Variants in MTPN observed in about 807,000 individuals in gnomAD.
MTPN encodes the protein myotrophin.
Under a neutral mutation model 13.5 loss-of-function variants are expected in MTPN, and 2 were observed. That is an observed-to-expected ratio of 0.15 (90% CI 0.06 to 0.47). The LOEUF (loss-of-function observed/expected upper bound fraction) is 0.47. Ranked by LOEUF, MTPN falls within the 20% of genes least tolerant of loss-of-function variation. MTPN has a pLI of 0.97. For synonymous variants in MTPN, 46 were observed against 51.7 expected, an observed-to-expected ratio of 0.89 and a Z score of 0.48; for missense variants, 79 against 137.9, an observed-to-expected ratio of 0.57 and a Z score of 2.14.
chr7:135,953,029 C>G (rs1309285236), intron 1 of MTPN, among the ~76,000 whole-genome samples: 1 of 152,124 alleles, frequency 6.6e-6, no homozygotes, highest in Non-Finnish European at 1.5e-5. Flanking sequence ...TCAAGCCATA[C>G]CCTGAATCAA....
intron 1 of MTPN, among the ~76,000 whole-genome samples, chr7:135,972,714 C>T (rs759987539): frequency 4.6e-5 from 7 of 152,110 alleles, no homozygotes; most frequent in Non-Finnish European, 1.0e-4. Context: ...AGAAGCAGCA[C>T]TCTATGTGAA....
At chr7:135,947,583 G>C (rs545065410) in intron 3 of MTPN, among the ~76,000 whole-genome samples, 2 of 152,062 alleles carry the variant, frequency 1.3e-5, no homozygotes, top group Non-Finnish European at 2.9e-5. Flanking sequence ...AATTAAAAAT[G>C]AGGCCACAAG....
intron 1 of MTPN, among the ~76,000 whole-genome samples, chr7:135,955,238 T>C (rs998671550): frequency 6.6e-6 from 1 of 151,860 alleles, no homozygotes; most frequent in Non-Finnish European, 1.5e-5. Context: ...ATTTCCATCA[T>C]AAGAAACTAG....
chr7:135,962,609 T>G (rs1031545616), intron 1 of MTPN, among the ~76,000 whole-genome samples: 5 of 151,996 alleles, frequency 3.3e-5, no homozygotes, highest in African/African-American at 1.2e-4. Flanking sequence ...TCTCCCTTAC[T>G]TTCCTAACTG....
intron 1 of MTPN, among the ~76,000 whole-genome samples, chr7:135,974,549 G>T (rs1799744050): frequency 6.6e-6 from 1 of 152,078 alleles, no homozygotes; most frequent in African/African-American, 2.4e-5. Flanking sequence ...CCAAAAAAAA[G>T]AGGAGGAGGA....
intron 1 of MTPN, among the ~76,000 whole-genome samples, chr7:135,974,057 C>A (rs976572063): frequency 2.0e-5 from 3 of 152,076 alleles, no homozygotes; most frequent in African/African-American, 7.2e-5. Context: ...ATTTTTCTCT[C>A]AATACTGTCT....
chr7:135,971,616 C>T (rs958668417), intron 1 of MTPN, among the ~76,000 whole-genome samples: 3 of 152,130 alleles, frequency 2.0e-5, no homozygotes, highest in African/African-American at 7.2e-5. Context: ...GTTATTTAAT[C>T]TCTGCCTCTA....
chr7:135,975,372 T>C (rs902010032), intron 1 of MTPN, among the ~76,000 whole-genome samples: 1 of 152,200 alleles, frequency 6.6e-6, no homozygotes, highest in Non-Finnish European at 1.5e-5. Context: ...GTTAAAGAGT[T>C]TCAGTTTTGG....
intron 1 of MTPN, among the ~76,000 whole-genome samples, chr7:135,964,529 A>G (rs942986942): frequency 2.0e-5 from 3 of 152,130 alleles, no homozygotes; most frequent in African/African-American, 7.2e-5. Context: ...ATGCAGCTGA[A>G]AAGATTTCGC....
At chr7:135,938,311 T>C (rs1799148712) in intron 3 of MTPN, among the ~76,000 whole-genome samples, 1 of 152,218 alleles carries the variant, frequency 6.6e-6, no homozygotes, top group South Asian at 2.1e-4. Context: ...CCTTGGAATA[T>C]AACCAATTAC....
Position 135,929,791 on chromosome 7 carries a change from T to G in MTPN, c.*135A>C, listed in dbSNP as rs1017948573. ...TTTTTTCTGGTAGTCGGATTTGTTA[T>G]GAATTTCTCTCTCCCCTCACCCCTC... On this transcript the variant is annotated 3_prime_UTR_variant, in exon 4 of 4. Transcript: ENST00000393085. 1.2e-6 allele frequency: 1 copy of G among 856,896 alleles called. No individual in the cohort carries two copies. The highest frequency in any genetic ancestry group is 2.4e-5 in the Admixed American group (1 of 42,364). 53.1% of individuals were successfully genotyped at this position (856,896 alleles called of 1,614,324 possible).
chr7:135,967,671 T>C (rs545739599), intron 1 of MTPN, among the ~76,000 whole-genome samples: 1 of 152,318 alleles, frequency 6.6e-6, no homozygotes, highest in South Asian at 2.1e-4. Context: ...CAACAGCTAA[T>C]ATTTACTAGC....
intron 3 of MTPN, among the ~76,000 whole-genome samples, chr7:135,936,989 C>G (rs562450530): frequency 6.6e-6 from 1 of 152,292 alleles, no homozygotes; most frequent in African/African-American, 2.4e-5. Context: ...AAATAATTTA[C>G]AATCTAGCTG....
rs139897604 is a variant in MTPN at position 135,960,181 on chromosome 7, T to C, written c.73-8551A>G. On this transcript the variant is annotated intron_variant, in intron 1 of 3. Coordinates refer to ENST00000393085, the MANE Select transcript of MTPN (RefSeq NM_145808.4). ...CCATTCATATAATGTGATTAAATTA[T>C]ATCATGTGATTAAAGCTGCAGTACA... 1.2e-3 allele frequency among the ~76,000 whole-genome samples: 188 copies of C among 152,238 alleles called. 1 individual carries two copies. The highest frequency in any genetic ancestry group is 4.4e-3 in the African/African-American group (183 of 41,550).
intron 3 of MTPN, among the ~76,000 whole-genome samples, chr7:135,933,328 C>T (rs1799056849): frequency 6.6e-6 from 1 of 152,098 alleles, no homozygotes; most frequent in South Asian, 2.1e-4. Flanking sequence ...CACCCTTCCC[C>T]AGACCTTCTC....
chr7:135,948,633 C>A (rs573864409), intron 3 of MTPN, among the ~76,000 whole-genome samples: 1 of 152,172 alleles, frequency 6.6e-6, no homozygotes, highest in Non-Finnish European at 1.5e-5. Flanking sequence ...CGGAAACTTA[C>A]AACCACAAGG....
At chr7:135,941,036 A>G (rs531572269) in intron 3 of MTPN, among the ~76,000 whole-genome samples, 1 of 152,354 alleles carries the variant, frequency 6.6e-6, no homozygotes, top group Admixed American at 6.5e-5. Flanking sequence ...AATGGAGACC[A>G]TAAGGCACAG....
chr7:135,934,349 C>A (rs1799080290), intron 3 of MTPN, among the ~76,000 whole-genome samples: 1 of 152,206 alleles, frequency 6.6e-6, no homozygotes, highest in Non-Finnish European at 1.5e-5. Context: ...TGGGTACACT[C>A]CTCACCCATA....
chr7:135,976,722 C>A (rs1799778303), intron 1 of MTPN, among the ~76,000 whole-genome samples: 1 of 152,016 alleles, frequency 6.6e-6, no homozygotes, highest in South Asian at 2.1e-4. Context: ...CTCAAATGAT[C>A]AGTGCGCAGA....
Sources: allele counts gnomAD v4.1 joint callset (sites outside exome capture counted in the v4.1 genomes callset), GRCh38; gene constraint gnomAD v4.1.1; transcripts MANE v1.5; gene names NCBI Gene and HGNC (gene_info 2026-07-23, HGNC 2026-07-21).